The following KIAA0319L variants were observed in gnomAD, a reference collection of about 807,000 sequenced individuals.
KIAA0319L encodes dyslexia-associated protein KIAA0319-like protein.
A neutral mutation model predicts 120.1 loss-of-function variants in KIAA0319L; 55 were observed. That is an observed-to-expected ratio of 0.46 (90% CI 0.37 to 0.57). The LOEUF (loss-of-function observed/expected upper bound fraction) is 0.57. Among genes scored for constraint, KIAA0319L ranks in the 20% least tolerant of loss-of-function variants. The probability of loss-of-function intolerance (pLI) is 0.00; values close to 1 mark genes in which losing one functional copy is unlikely to be tolerated. For synonymous variants in KIAA0319L, 398 were observed against 471.9 expected, an observed-to-expected ratio of 0.84 and a Z score of 2.03; for missense variants, 1,049 against 1,255.3, an observed-to-expected ratio of 0.84 and a Z score of 2.48.
chr1:35,486,655 T>C (rs566863839), intron 3 of KIAA0319L, among the ~76,000 whole-genome samples: 11 of 146,232 alleles, frequency 7.5e-5, no homozygotes, highest in African/African-American at 2.6e-4. Context: ...AATCCTAGCA[T>C]ACTGGGAGGC....
intron 2 of KIAA0319L, among the ~76,000 whole-genome samples, chr1:35,515,150 T>C (rs1443165877): frequency 1.3e-5 from 2 of 151,720 alleles, no homozygotes; most frequent in Admixed American, 1.3e-4. Flanking sequence ...CCATCTCTAT[T>C]AAAAATACAA....
rs1008039870 is a variant in KIAA0319L at position 35,437,947 on chromosome 1, C to T, written c.2963-2866G>A. ...CTCCATCTCTCGGTTGGAAGTCAGC[C>T]CTGACCTTGCCAGACCTAGCTATAA... is the stretch of plus-strand genomic sequence containing the variant. On this transcript the variant is annotated intron_variant, in intron 20 of 20. Transcript: ENST00000325722. The surrounding 1 kb of genome is among the most constrained non-coding windows in gnomAD (Gnocchi z 4.1). 2.6e-5 allele frequency among the ~76,000 whole-genome samples: 4 copies of T among 152,152 alleles called. No homozygotes were observed. Among genetic ancestry groups the T allele is most frequent in the African/African-American group, 7.2e-5 (3 of 41,442 alleles).
rs779649408 is a variant in KIAA0319L, at chr1:35,450,378, C to T, written c.2194G>A (p.Glu732Lys). Residue 732 changes from glutamate (E) to lysine (K), a missense_variant, in exon 14 of 21, where the codon GAG becomes AAG. Transcript: ENST00000325722. ...GIVSYLWTRD[E>K]GSPAAGEVLN... ...CTTACCCCTGCTGCTGGGCTCCCCT[C>T]ATCTCGAGTCCAGAGGTAGCTGACT... 3.1e-6 allele frequency: 5 copies of T among 1,613,998 alleles called. No homozygotes were observed. The highest frequency in any genetic ancestry group is 2.2e-5 in the East Asian group (1 of 44,880).
In KIAA0319L at chr1:35,453,634, A is replaced by G. The variant is rs1180729430; in HGVS notation, c.1836T>C (p.Pro612=). 2.5e-6 allele frequency: 4 copies of G among 1,614,030 alleles called. No homozygotes were observed. The change falls in exon 12 of 21, where the codon CCT becomes CCC. Residue 612 remains proline (P), a synonymous_variant. Transcript: ENST00000325722. The surrounding 1 kb of genome is among the most constrained non-coding windows in gnomAD (Gnocchi z 4.1). ...DAGPDKELTL[P]VDSTTLDGSK... is the part of the protein sequence containing the mutation. ...TGCCATCCAGGGTTGTGCTATCCAC[A>G]GGAAGGGTCAGCTCTTTATCTGGGC...
intron 2 of KIAA0319L, among the ~76,000 whole-genome samples, chr1:35,523,701 G>GTT (rs1296423182): frequency 2.0e-5 from 3 of 152,154 alleles, no homozygotes; most frequent in African/African-American, 7.2e-5. Flanking sequence ...AGTGAAGAGT[G>GTT]TTAAAGACAT....
At chr1:35,447,320 C>T (rs1484399815) in intron 16 of KIAA0319L, among the ~76,000 whole-genome samples, 1 of 151,480 alleles carries the variant, frequency 6.6e-6, no homozygotes, top group East Asian at 1.9e-4. Flanking sequence ...TAAAACAAAC[C>T]AACTTGGATC....
At chr1:35,463,943 C>T (rs549892145) in intron 7 of KIAA0319L, among the ~76,000 whole-genome samples, 1 of 152,304 alleles carries the variant, frequency 6.6e-6, no homozygotes, top group South Asian at 2.1e-4. Flanking sequence ...TTTTTGCCTG[C>T]TGCCATCCAT....
chr1:35,484,974 G>A (rs1258906254), intron 3 of KIAA0319L, among the ~76,000 whole-genome samples: 1 of 92,126 alleles, frequency 1.1e-5, no homozygotes, highest in East Asian at 2.8e-4. Flanking sequence ...CCCCACCACA[G>A]TCCCCAGAGT....
chr1:35,540,600 G>A (rs1646750275), intron 2 of KIAA0319L, among the ~76,000 whole-genome samples: 1 of 152,230 alleles, frequency 6.6e-6, no homozygotes, highest in African/African-American at 2.4e-5. Context: ...GAGAGAGACA[G>A]AGCACTGGAT....
intron 3 of KIAA0319L, among the ~76,000 whole-genome samples, chr1:35,500,206 C>CA (rs988131372): frequency 5.3e-5 from 8 of 152,174 alleles, no homozygotes; most frequent in African/African-American, 1.9e-4. Flanking sequence ...AAATAAAGCA[C>CA]TTTTTTCTCT....
At chr1:35,465,855 AT>A (rs142012697) in intron 7 of KIAA0319L, among the ~76,000 whole-genome samples, 9,010 of 152,248 alleles carry the variant, frequency 0.059, 314 homozygotes, top group Non-Finnish European at 0.081. Context: ...GGTTTTAAAA[AT>A]GGGAGTTTCC....
chr1:35,458,772 T>A (rs1642676367), intron 9 of KIAA0319L, among the ~76,000 whole-genome samples: 1 of 152,252 alleles, frequency 6.6e-6, no homozygotes, highest in Admixed American at 6.5e-5. Flanking sequence ...TCATTGTTAC[T>A]ATGTTTTAAA....
intron 3 of KIAA0319L, among the ~76,000 whole-genome samples, chr1:35,486,443 GA>G (rs1483974424): frequency 6.7e-6 from 1 of 148,928 alleles, no homozygotes; most frequent in Non-Finnish European, 1.5e-5. Flanking sequence ...TTTATTTCTA[GA>G]TATGTTAAAA....
intron 3 of KIAA0319L, among the ~76,000 whole-genome samples, chr1:35,483,430 G>T (rs1570768932): frequency 6.6e-6 from 1 of 152,142 alleles, no homozygotes; most frequent in Non-Finnish European, 1.5e-5. Context: ...AGAGGTAAGG[G>T]TCAAGGTTCA....
At chr1:35,493,403 G>A (rs1214839880) in intron 3 of KIAA0319L, among the ~76,000 whole-genome samples, 2 of 151,570 alleles carry the variant, frequency 1.3e-5, no homozygotes, top group Non-Finnish European at 1.5e-5. Context: ...CTCTGTTGGA[G>A]GAGGAGGTGC....
intron 2 of KIAA0319L, among the ~76,000 whole-genome samples, chr1:35,515,092 C>T (rs1645625164): frequency 6.6e-6 from 1 of 152,096 alleles, no homozygotes; most frequent in East Asian, 1.9e-4. Flanking sequence ...GCAGGTGGAT[C>T]ACTTGAGGTC....
At chr1:35,532,711 C>G (rs1173103687) in intron 2 of KIAA0319L, among the ~76,000 whole-genome samples, 1 of 152,146 alleles carries the variant, frequency 6.6e-6, no homozygotes, top group African/African-American at 2.4e-5. Flanking sequence ...GGCTCTGCTC[C>G]CAGGGCCCAG....
At position 35,490,661 on chromosome 1, in the gene KIAA0319L, A is replaced by G. The variant is rs111828035; in HGVS notation, c.667-11449T>C. On this transcript the variant is annotated intron_variant, in intron 3 of 20. Transcript: ENST00000325722. ...GGAAAGGTTATAAGACATAAAAAAGACCTCATATCAAACTTTTAATATAAA... is the reference window on the plus strand; with the variant it reads ...GGAAAGGTTATAAGACATAAAAAAGGCCTCATATCAAACTTTTAATATAAA... Among the ~76,000 whole-genome samples, 250 of 152,324 alleles carry G rather than the reference A, an allele frequency of 1.6e-3. 3 individuals are homozygous for G. Among genetic ancestry groups the G allele is most frequent in the African/African-American group, 5.3e-3 (221 of 41,564 alleles).
chr1:35,461,246 C>T (rs542459002), intron 8 of KIAA0319L, among the ~76,000 whole-genome samples: 184 of 152,232 alleles, frequency 1.2e-3, no homozygotes, highest in Non-Finnish European at 2.1e-3. Flanking sequence ...GTGGGCGGAT[C>T]CCCTGAGGTC....
Sources: gnomAD v4.1 joint callset for allele counts (sites outside exome capture counted in the v4.1 genomes callset) on GRCh38, gnomAD v4.1.1 for gene constraint, Gnocchi (gnomAD v3.1) non-coding constraint, MANE v1.5 for transcripts, NCBI Gene and HGNC (gene_info 2026-07-23, HGNC 2026-07-21) for gene names.